The following SLC26A8 variants were observed in gnomAD, a reference collection of about 807,000 sequenced individuals.
SLC26A8 encodes solute carrier family 26 member 8.
A neutral mutation model predicts 105.0 loss-of-function variants in SLC26A8; 70 were observed. That is an observed-to-expected ratio of 0.67 (90% CI 0.55 to 0.81). SLC26A8 has a LOEUF of 0.81. Ranked by LOEUF, SLC26A8 falls within the 40% of genes least tolerant of loss-of-function variation. The pLI is 0.00. For missense variants in SLC26A8, 998 were observed against 1,181.8 expected, an observed-to-expected ratio of 0.84 and a Z score of 2.28; for synonymous variants, 415 against 438.3, an observed-to-expected ratio of 0.95 and a Z score of 0.66.
chr6:35,957,544 G>A (rs1402191082), intron 16 of SLC26A8, among the ~76,000 whole-genome samples: 1 of 151,972 alleles, frequency 6.6e-6, no homozygotes, highest in African/African-American at 2.4e-5. Context: ...AACAGGCCAG[G>A]GTTGGCTCAG....
intron 16 of SLC26A8, 78 bp downstream of exon 16, chr6:35,959,382 T>A: frequency 8.3e-7 from 1 of 1,205,228 alleles, no homozygotes; most frequent in Non-Finnish European, 1.1e-6. Context: ...GAGGTTTTGA[T>A]TTTTTTTTTA....
At chr6:35,963,266 T>G (rs1399253377) in intron 11 of SLC26A8, among the ~76,000 whole-genome samples, 2 of 152,218 alleles carry the variant, frequency 1.3e-5, no homozygotes, top group Admixed American at 6.5e-5. Context: ...ACTCCTTATC[T>G]AGGAATTTAG....
Position 36,010,223 on chromosome 6 carries a change from G to A in SLC26A8, c.328+2010C>T, listed in dbSNP as rs559385038. Among the ~76,000 whole-genome samples, 6 of 152,268 alleles carry A rather than the reference G, an allele frequency of 3.9e-5. No homozygotes were observed. The East Asian group carries it at 7.7e-4, about 20-fold the overall frequency. On this transcript the variant is annotated intron_variant, in intron 3 of 19. Transcript: ENST00000490799. ...ACAAGTGAATGGATAAACAAGCTGCGATGTATCCATATAGTAGAATATTAC... is the reference window on the plus strand; with the variant it reads ...ACAAGTGAATGGATAAACAAGCTGCAATGTATCCATATAGTAGAATATTAC...
At chr6:36,010,621 C>A (rs1761830488) in intron 3 of SLC26A8, among the ~76,000 whole-genome samples, 1 of 149,688 alleles carries the variant, frequency 6.7e-6, no homozygotes, top group Admixed American at 6.7e-5. Flanking sequence ...TCACTGCAAC[C>A]TCCACCTCCT....
chr6:35,989,761 TC>T (rs1472612819), intron 7 of SLC26A8: 1 of 152,138 alleles, frequency 6.6e-6, no homozygotes, highest in Non-Finnish European at 1.5e-5. Context: ...AAGATAGGCA[TC>T]ATTAGGAGAT....
chr6:35,955,379 A>G lies in SLC26A8; in HGVS notation c.2005T>C (p.Ser669Pro), dbSNP rs778221619. The G allele has an allele frequency of 9.3e-6, 15 of 1,614,066 alleles. No homozygotes were observed. The African/African-American group carries it at 1.1e-4, about 11-fold the overall frequency. Residue 669 changes from serine (S) to proline (P), a missense_variant, in exon 17 of 20, where the codon TCT becomes CCT. Physicochemically the swap from Ser to Pro is moderately conservative, Grantham distance 74. Coordinates refer to ENST00000490799, the MANE Select transcript of SLC26A8 (RefSeq NM_052961.4). ...DQVPYTVSSV[S>P]QKNQGQQYEE... ...TACTGTTGCCCTTGATTTTTCTGAG[A>G]CACGGACGATACTGTGTATGGCACT... is the stretch of plus-strand genomic sequence containing the variant.
At position 35,968,902 on chromosome 6, in the gene SLC26A8, C is replaced by G; in HGVS notation, c.1340G>C (p.Gly447Ala). ...ATTTGGCAGTGTGTAGAAAAAGTGT[C>G]CCATCTTCACCATCAGGAGCAGCAT... The part of the protein sequence containing the change: ...GVMLLLMVKM[G>A]HFFYTLPNAV... The change falls in exon 11 of 20, where the codon GGA (glycine) becomes GCA (alanine). Residue 447 changes from glycine (G) to alanine (A), a missense_variant. Transcript: ENST00000490799. The G allele has an allele frequency of 6.2e-7, 1 of 1,609,814 alleles. No homozygotes were observed. The highest frequency in any genetic ancestry group is 1.1e-5 in the South Asian group (1 of 90,860).
chr6:36,016,989 T>G (rs1762010333), intron 2 of SLC26A8, among the ~76,000 whole-genome samples: 2 of 152,048 alleles, frequency 1.3e-5, no homozygotes, highest in South Asian at 4.1e-4. Flanking sequence ...CTGACCAATT[T>G]GATGAAACCC....
chr6:35,958,970 C>T (rs766022968), intron 16 of SLC26A8, among the ~76,000 whole-genome samples: 4 of 152,164 alleles, frequency 2.6e-5, no homozygotes, highest in Non-Finnish European at 5.9e-5. Flanking sequence ...TGCTCATCCT[C>T]CCCGCTCCTT....
At chr6:35,989,624 T>C (rs532443422) in intron 7 of SLC26A8, 2 of 152,310 alleles carry the variant, frequency 1.3e-5, no homozygotes, top group East Asian at 3.9e-4. Flanking sequence ...CAGTATGTTC[T>C]AGGATCTTGG....
intron 3 of SLC26A8, among the ~76,000 whole-genome samples, chr6:36,004,263 G>A (rs554782108): frequency 1.3e-5 from 2 of 151,596 alleles, no homozygotes; most frequent in South Asian, 2.1e-4. Flanking sequence ...TTTTCATAGA[G>A]ACAGGGTGTC....
intron 10 of SLC26A8, among the ~76,000 whole-genome samples, chr6:35,973,935 T>C (rs1178875405): frequency 1.3e-5 from 2 of 152,238 alleles, no homozygotes; most frequent in Non-Finnish European, 2.9e-5. Context: ...TCAATTCCGA[T>C]AGCTCTCTGA....
chr6:35,961,227 A>G (rs1366110688), intron 12 of SLC26A8, 128 bp from the exon 13 acceptor site: 4 of 717,600 alleles, frequency 5.6e-6, no homozygotes, highest in Non-Finnish European at 9.2e-6. Context: ...GAAATATTCC[A>G]TAGCCACATG....
At chr6:36,021,402 A>C (rs1052206631) in intron 1 of SLC26A8, among the ~76,000 whole-genome samples, 2 of 151,788 alleles carry the variant, frequency 1.3e-5, no homozygotes, top group African/African-American at 4.8e-5. Context: ...TGTCCAATGT[A>C]CTTCCATGAG....
chr6:35,992,634 T>C lies in SLC26A8; in HGVS notation c.668A>G (p.Tyr223Cys), dbSNP rs148004355. 425 of 1,613,382 alleles carry C rather than the reference T, an allele frequency of 2.6e-4. No individual in the cohort carries two copies. The highest frequency in any genetic ancestry group is 3.2e-4 in the Non-Finnish European group (381 of 1,179,812). Reference sequence around the variant, plus strand: ...AGCACTCATTGCAGACTCCGGAAGGTAAGTGGCAATGAAGCCCAAACCCAA... The same window carrying C: ...AGCACTCATTGCAGACTCCGGAAGGCAAGTGGCAATGAAGCCCAAACCCAA... ...GVLGLGFIAT[Y>C]LPESAMSAYL... The change falls in exon 6 of 20, where the codon TAC becomes TGC. Residue 223 changes from tyrosine (Y) to cysteine (C), a missense_variant. By Grantham distance (194) the Tyr-to-Cys change is radical. Coordinates refer to ENST00000490799, the MANE Select transcript of SLC26A8 (RefSeq NM_052961.4).
At chr6:35,945,796 C>T (rs1313229086) in intron 19 of SLC26A8, among the ~76,000 whole-genome samples, 1 of 152,234 alleles carries the variant, frequency 6.6e-6, no homozygotes, top group African/African-American at 2.4e-5. Context: ...TTGATATCCC[C>T]AGTACCAGAC....
chr6:36,015,950 G>A (rs531356233), intron 2 of SLC26A8, among the ~76,000 whole-genome samples: 1 of 151,894 alleles, frequency 6.6e-6, no homozygotes, highest in East Asian at 1.9e-4. Flanking sequence ...GACAACTTGA[G>A]TAATTAAGAT....
rs1376202790 is a variant in SLC26A8, at chr6:35,951,490, C to T, written c.2242G>A (p.Ala748Thr). ...GLVVLRQICN[A>T]FQNANILILI... ...ATCAAAATGTTGGCGTTTTGAAAGG[C>T]ATTGCATATCTGTGGGGGGAGAGAA... is the stretch of plus-strand genomic sequence containing the variant. The change falls in exon 18 of 20, where the codon GCC (alanine) becomes ACC (threonine). Residue 748 changes from alanine (A) to threonine (T), a missense_variant. By Grantham distance (58) the Ala-to-Thr change is moderately conservative. Coordinates refer to ENST00000490799, the MANE Select transcript of SLC26A8 (RefSeq NM_052961.4). 6.2e-7 allele frequency: 1 copy of T among 1,614,000 alleles called. No individual in the cohort carries two copies. The highest frequency in any genetic ancestry group is 8.5e-7 in the Non-Finnish European group (1 of 1,180,036).
chr6:35,962,130 G>A (rs1772328660), intron 12 of SLC26A8, among the ~76,000 whole-genome samples: 1 of 151,962 alleles, frequency 6.6e-6, no homozygotes, highest in African/African-American at 2.4e-5. Flanking sequence ...GGAGGCTGAG[G>A]CAGGAGAATC....
Sources: gnomAD v4.1 joint callset for allele counts (sites outside exome capture counted in the v4.1 genomes callset) on GRCh38, gnomAD v4.1.1 for gene constraint, MANE v1.5 for transcripts, NCBI Gene and HGNC (gene_info 2026-07-23, HGNC 2026-07-21) for gene names.